The following B3GALT1 variants were observed in gnomAD, a reference collection of about 807,000 sequenced individuals.
B3GALT1 encodes the protein UDP-Gal:betaGlcNAc beta 1,3-galactosyltransferase, polypeptide 1.
In B3GALT1, 10 loss-of-function variants were observed where a neutral mutation model predicts 23.2. That is an observed-to-expected ratio of 0.43 (90% CI 0.27 to 0.73). B3GALT1 has a LOEUF of 0.73. Ranked by LOEUF, B3GALT1 falls within the 30% of genes least tolerant of loss-of-function variation. B3GALT1 has a pLI of 0.21. For synonymous variants in B3GALT1, 156 were observed against 141.5 expected (o/e 1.10, Z -0.73); for missense variants, 299 against 405.4 (o/e 0.74, Z 2.25).
chr2:167,442,205 G>T (rs1265936130), intron 1 of B3GALT1, among the ~76,000 whole-genome samples: 4 of 152,032 alleles, frequency 2.6e-5, no homozygotes, highest in Middle Eastern at 3.2e-3. Flanking sequence ...CAAAGGACAT[G>T]AACTCATCAT....
intron 1 of B3GALT1, among the ~76,000 whole-genome samples, chr2:167,394,917 C>T (rs1417462568): frequency 6.6e-6 from 1 of 152,164 alleles, no homozygotes; most frequent in Admixed American, 6.5e-5. Flanking sequence ...ATGCGTTCCA[C>T]CATTGTGCTT....
chr2:167,604,260 C>G (rs576464407), intron 2 of B3GALT1, among the ~76,000 whole-genome samples: 1 of 152,106 alleles, frequency 6.6e-6, no homozygotes, highest in Non-Finnish European at 1.5e-5. Context: ...GATCATTGCT[C>G]AGCTGCCCCC....
intron 2 of B3GALT1, among the ~76,000 whole-genome samples, chr2:167,496,037 C>G (rs1052019267): frequency 6.6e-6 from 1 of 152,108 alleles, no homozygotes; most frequent in African/African-American, 2.4e-5. Flanking sequence ...CCACATGTAC[C>G]TGAGTAAATC....
At chr2:167,775,209 AAAAT>A (rs1256215152) in intron 3 of B3GALT1, among the ~76,000 whole-genome samples, 7 of 152,354 alleles carry the variant, frequency 4.6e-5, no homozygotes, top group African/African-American at 9.6e-5. Context: ...TCACAACATG[AAAAT>A]AAATAAATTA....
At chr2:167,775,427 G>C (rs531709567) in intron 3 of B3GALT1, among the ~76,000 whole-genome samples, 2 of 151,984 alleles carry the variant, frequency 1.3e-5, no homozygotes, top group African/African-American at 4.8e-5. Context: ...AAATTAGCCG[G>C]GTGTGGTGGC....
chr2:167,301,644 A>AGTTCAGCTG (rs1696447100), intron 1 of B3GALT1, among the ~76,000 whole-genome samples: 1 of 152,118 alleles, frequency 6.6e-6, no homozygotes, highest in Non-Finnish European at 1.5e-5. Flanking sequence ...TCTGCCTCCC[A>AGTTCAGCTG]GGTTCAAGCG....
intron 2 of B3GALT1, among the ~76,000 whole-genome samples, chr2:167,635,002 T>G (rs775455813): frequency 6.6e-6 from 1 of 152,106 alleles, no homozygotes; most frequent in African/African-American, 2.4e-5. Context: ...TTATCTACCA[T>G]GATCAAATTG....
rs1200874420 is a variant in B3GALT1, at chr2:167,429,301, TAAG to T, written c.-510-60873_-510-60871del. On this transcript the variant is annotated intron_variant, in intron 1 of 4. Coordinates refer to ENST00000392690, the MANE Select transcript of B3GALT1 (RefSeq NM_020981.4). ...GTCTCAAAAAAAAAAAAAAAAAAAA[TAAG>T]AAATGTTTTAAAAATTGGAAGGCGT... Among the ~76,000 whole-genome samples the T allele has an allele frequency of 5.8e-3, 697 of 120,262 alleles. 5 individuals are homozygous for T. The highest frequency in any genetic ancestry group is 0.021 in the East Asian group (86 of 4,128). The allele number at this position is 120,262 out of a possible 152,430, so 78.9% of individuals were successfully genotyped here. A position where few individuals can be genotyped will look rare whatever the true frequency, so the allele number is the denominator to read the frequency against.
At chr2:167,782,724 G>A (rs1688267882) in intron 3 of B3GALT1, among the ~76,000 whole-genome samples, 1 of 152,128 alleles carries the variant, frequency 6.6e-6, no homozygotes, top group Non-Finnish European at 1.5e-5. Flanking sequence ...AAGATTCTTG[G>A]TAGAAAAGTA....
intron 2 of B3GALT1, among the ~76,000 whole-genome samples, chr2:167,501,315 AT>A (rs149222745): frequency 0.011 from 1,716 of 152,094 alleles, 29 homozygotes; most frequent in African/African-American, 0.039. Context: ...CAAATAAAAA[AT>A]GTGTATTAAC....
intron 3 of B3GALT1, among the ~76,000 whole-genome samples, chr2:167,806,236 G>C (rs1275722617): frequency 3.3e-5 from 5 of 152,182 alleles, no homozygotes; most frequent in African/African-American, 9.7e-5. Context: ...GGGCTGAGAT[G>C]ATGGGGTTTT....
chr2:167,478,905 A>G (rs1326887113), intron 1 of B3GALT1, among the ~76,000 whole-genome samples: 1 of 152,098 alleles, frequency 6.6e-6, no homozygotes, highest in Non-Finnish European at 1.5e-5. Context: ...TTTGAAAACA[A>G]CTTTTCAGAT....
At chr2:167,433,871 T>A (rs1574076608) in intron 1 of B3GALT1, among the ~76,000 whole-genome samples, 1 of 152,090 alleles carries the variant, frequency 6.6e-6, no homozygotes, top group Admixed American at 6.6e-5. Context: ...AAGTTTACGG[T>A]GAGGTGTGAC....
chr2:167,516,007 G>A (rs1436115459), intron 2 of B3GALT1, among the ~76,000 whole-genome samples: 2 of 152,002 alleles, frequency 1.3e-5, no homozygotes, highest in Non-Finnish European at 2.9e-5. Flanking sequence ...GGCAGAATCA[G>A]TTTTGTCTTC....
At chr2:167,814,470 A>T (rs1331548322) in intron 3 of B3GALT1, among the ~76,000 whole-genome samples, 9 of 152,174 alleles carry the variant, frequency 5.9e-5, no homozygotes, top group Non-Finnish European at 1.3e-4. Context: ...AACAATTAAG[A>T]ATTTACTGGG....
chr2:167,665,136 C>G (rs1383106189), intron 3 of B3GALT1, among the ~76,000 whole-genome samples: 3 of 151,552 alleles, frequency 2.0e-5, no homozygotes, highest in Non-Finnish European at 4.4e-5. Context: ...AGATATGTCC[C>G]ATCAATACCT....
At chr2:167,690,556 A>T (rs551426669) in intron 3 of B3GALT1, among the ~76,000 whole-genome samples, 1 of 152,238 alleles carries the variant, frequency 6.6e-6, no homozygotes, top group Admixed American at 6.5e-5. Flanking sequence ...GAAGAGGGAA[A>T]ACACAGTTAT....
chr2:167,423,462 C>T (rs1523881), intron 1 of B3GALT1, among the ~76,000 whole-genome samples: 141,741 of 152,242 alleles, frequency 0.93, 66,478 homozygotes, highest in Non-Finnish European at 0.99. Flanking sequence ...CAGGACCGAT[C>T]TATGCAATAA....
At chr2:167,717,930 A>G (rs984292235) in intron 3 of B3GALT1, among the ~76,000 whole-genome samples, 2 of 152,174 alleles carry the variant, frequency 1.3e-5, no homozygotes, top group African/African-American at 4.8e-5. Flanking sequence ...TTTCATTTTT[A>G]CTTGTTTACT....
Sources: gnomAD v4.1 joint callset for allele counts (sites outside exome capture counted in the v4.1 genomes callset) on GRCh38, gnomAD v4.1.1 for gene constraint, MANE v1.5 for transcripts, NCBI Gene and HGNC (gene_info 2026-07-23, HGNC 2026-07-21) for gene names.